The following ITGAV variants were observed in gnomAD, a reference collection of about 807,000 sequenced individuals.
ITGAV encodes the protein integrin alpha-V.
ITGAV carries 76 observed loss-of-function variants against 143.8 expected under a neutral mutation model. The ratio of observed to expected loss-of-function variants is 0.53; its 90% CI spans 0.44 to 0.64. The LOEUF (loss-of-function observed/expected upper bound fraction) is 0.64, where lower values mean the gene tolerates loss of function less well. Ranked by LOEUF, ITGAV falls within the 30% of genes least tolerant of loss-of-function variation. The pLI, the probability that ITGAV is intolerant of heterozygous loss-of-function variation, is 0.00. For synonymous variants in ITGAV, 453 were observed against 446.7 expected, an observed-to-expected ratio of 1.01 and a Z score of -0.18; for missense variants, 1,193 against 1,274.7, an observed-to-expected ratio of 0.94 and a Z score of 0.98.
intron 18 of ITGAV, among the ~76,000 whole-genome samples, chr2:186,661,867 T>A (rs536821117): frequency 1.3e-4 from 20 of 152,242 alleles, no homozygotes; most frequent in Admixed American, 7.2e-4. Flanking sequence ...AGTGCTGAGA[T>A]TACAGGCATG....
Position 186,649,886 on chromosome 2 carries a change from G to GTT in ITGAV, c.1397+2_1397+3insTT. Reference sequence around the variant, plus strand: ...GTGTAGATCGAGCTATCTTATACAGGTGAGCATTTTCTGTATCCTGCGGTA... The same window carrying GTT: ...GTGTAGATCGAGCTATCTTATACAGGTTTGAGCATTTTCTGTATCCTGCGGTA... On this transcript the variant is annotated splice_donor_variant, in intron 14 of 29. Coordinates refer to ENST00000261023, the MANE Select transcript of ITGAV (RefSeq NM_002210.5). LOFTEE classifies it high-confidence loss of function. The GTT allele has an allele frequency of 6.9e-7, 1 of 1,452,998 alleles. No homozygotes were observed. Among genetic ancestry groups the GTT allele is most frequent in the Non-Finnish European group, 9.1e-7 (1 of 1,097,328 alleles). 90.0% of individuals were successfully genotyped at this position (1,452,998 alleles called of 1,614,324 possible).
At chr2:186,610,182 G>A (rs992310748) in intron 2 of ITGAV, among the ~76,000 whole-genome samples, 2 of 152,012 alleles carry the variant, frequency 1.3e-5, no homozygotes, top group Admixed American at 6.6e-5. Context: ...TTATAGACAC[G>A]ACTTTAAAAA....
chr2:186,668,216 ATTTTTTTT>A (rs1186490756), intron 24 of ITGAV, among the ~76,000 whole-genome samples: 1 of 4,192 alleles, frequency 2.4e-4, no homozygotes, highest in African/African-American at 6.3e-4. Context: ...ATATATATAT[ATTTTTTTT>A]TTTTTTTTTT....
At position 186,656,249 on chromosome 2, in the gene ITGAV, TTCCAGG is replaced by T. The variant is rs1426532437; in HGVS notation, c.1569_1574del (p.Phe523_Val525delinsLeu). The T allele has an allele frequency of 2.5e-6, 4 of 1,582,054 alleles. No homozygotes were observed. Among genetic ancestry groups the T allele is most frequent in the Non-Finnish European group, 3.4e-6 (4 of 1,168,708 alleles). ...TATAAATCCTTTGGTTTACATAGAT[TTCCAGG>T]TGGAACTTCTTTTGGATAAACTCAA... On this transcript the variant is annotated inframe_deletion, in exon 17 of 30. Transcript: ENST00000261023.
At chr2:186,616,567 C>T (rs1242863469) in intron 2 of ITGAV, among the ~76,000 whole-genome samples, 5 of 152,046 alleles carry the variant, frequency 3.3e-5, no homozygotes, top group South Asian at 2.1e-4. Context: ...CGCGAGCCAC[C>T]GCGCCCGGCC....
chr2:186,669,933 T>C (rs934778914), intron 26 of ITGAV, 119 bp downstream of exon 26: 40 of 706,564 alleles, frequency 5.7e-5, no homozygotes, highest in African/African-American at 9.1e-5. Context: ...CATTTATTTT[T>C]ATACCATGCA....
rs893231112 is a variant in ITGAV at position 186,656,192 on chromosome 2, G to A, written c.1565-55G>A. 2.8e-5 allele frequency: 38 copies of A among 1,333,960 alleles called. No individual in the cohort carries two copies. The Admixed American group carries it at 7.8e-4, about 28-fold the overall frequency. 82.6% of individuals were successfully genotyped at this position (1,333,960 alleles called of 1,614,324 possible). On this transcript the variant is annotated intron_variant, in intron 16 of 29. Transcript: ENST00000261023. ...TGTTTACATGAAAACTCTAGAGTAG[G>A]ATAGATAGATGTCCATAAAGAATAT...
At position 186,628,414 on chromosome 2, in the gene ITGAV, C is replaced by T. The variant is rs557434693; in HGVS notation, c.524-2383C>T. The stretch of plus-strand genomic sequence containing the variant: ...GGACAAGGAACTTCACTGTCTGTCA[C>T]TAACTTACCTTATTACTGATTACAT... On this transcript the variant is annotated intron_variant, in intron 4 of 29. Coordinates refer to ENST00000261023, the MANE Select transcript of ITGAV (RefSeq NM_002210.5). Among the ~76,000 whole-genome samples, 15 of 152,220 alleles carry T rather than the reference C, an allele frequency of 9.9e-5. No homozygotes were observed. The South Asian group carries it at 3.1e-3, about 32-fold the overall frequency.
chr2:186,676,806 T>G lies in ITGAV; in HGVS notation c.2929-7T>G. On this transcript the variant is annotated splice_polypyrimidine_tract_variant and splice_region_variant and intron_variant, in intron 28 of 29. Transcript: ENST00000261023. The stretch of plus-strand genomic sequence containing the variant: ...TTTTTAAAACTAAAAGCTTTTTTCC[T>G]CGATAGGTTACCACTAATGTCACCT... 1 of 1,611,542 alleles carries G rather than the reference T, an allele frequency of 6.2e-7. No individual in the cohort carries two copies. Among genetic ancestry groups the G allele is most frequent in the African/African-American group, 1.3e-5 (1 of 74,922 alleles).
At chr2:186,672,335 C>T (rs915745218) in intron 26 of ITGAV, among the ~76,000 whole-genome samples, 1 of 152,062 alleles carries the variant, frequency 6.6e-6, no homozygotes, top group Non-Finnish European at 1.5e-5. Context: ...ATCAACATTT[C>T]GATTATTTCT....
chr2:186,674,869 A>G (rs528409160), intron 26 of ITGAV, among the ~76,000 whole-genome samples: 7 of 152,296 alleles, frequency 4.6e-5, no homozygotes, highest in African/African-American at 1.7e-4. Flanking sequence ...TTGAGTAGAA[A>G]TGGCTTGATT....
At chr2:186,675,470 G>A (rs1027397705) in intron 26 of ITGAV, 134 bp from the exon 27 acceptor site, 1 of 648,196 alleles carries the variant, frequency 1.5e-6, no homozygotes, top group African/African-American at 1.8e-5. Context: ...CTATTAGCCT[G>A]TTTATTTTCA....
chr2:186,668,578 A>C, intron 24 of ITGAV, 184 bp from the exon 25 acceptor site: 2 of 564,558 alleles, frequency 3.5e-6, no homozygotes, highest in Non-Finnish European at 3.2e-6. Flanking sequence ...ACTCTGTGTT[A>C]GAGACAAATG....
In ITGAV at chr2:186,646,909, A is replaced by T. The variant is rs769341926; in HGVS notation, c.1351+32A>T. ...TCTTATCAACACATAGAGCCCTTAG[A>T]TTTTTCAGTCCTAATAGCAAATAGT... On this transcript the variant is annotated intron_variant, in intron 13 of 29. Transcript: ENST00000261023. 4 of 1,432,174 alleles carry T rather than the reference A, an allele frequency of 2.8e-6. No individual in the cohort carries two copies. The South Asian group carries it at 4.2e-5, about 15-fold the overall frequency. 88.7% of individuals were successfully genotyped at this position (1,432,174 alleles called of 1,614,324 possible).
chr2:186,659,571 A>G (rs1688684720), intron 18 of ITGAV, among the ~76,000 whole-genome samples: 2 of 151,976 alleles, frequency 1.3e-5, no homozygotes, highest in Admixed American at 1.3e-4. Context: ...TTCTTTTCAG[A>G]AAACCAAAGA....
At chr2:186,675,554 A>C in intron 26 of ITGAV, 50 bp from the exon 27 acceptor site, 2 of 1,382,740 alleles carry the variant, frequency 1.4e-6, no homozygotes, top group Non-Finnish European at 2.1e-6. Context: ...CAAATGTTGA[A>C]GAGATGATAG....
chr2:186,617,446 C>T (rs1687396663), intron 2 of ITGAV, among the ~76,000 whole-genome samples: 1 of 152,208 alleles, frequency 6.6e-6, no homozygotes, highest in South Asian at 2.1e-4. Context: ...TCATTTGCTT[C>T]TGTCCTCAAG....
At chr2:186,601,969 T>TG (rs1553498454) in intron 1 of ITGAV, 52 bp from the exon 2 acceptor site, 2 of 1,556,520 alleles carry the variant, frequency 1.3e-6, no homozygotes, top group Non-Finnish European at 1.7e-6. Flanking sequence ...TCAGAAGATA[T>TG]TGCTTACACT....
chr2:186,667,533 C>G, intron 23 of ITGAV, 138 bp from the exon 24 acceptor site: 2 of 522,662 alleles, frequency 3.8e-6, no homozygotes, highest in Non-Finnish European at 6.8e-6. Flanking sequence ...TGTGTGTGTT[C>G]ATTAGTTTTC....
Sources: gnomAD v4.1 joint callset for allele counts (sites outside exome capture counted in the v4.1 genomes callset) on GRCh38, gnomAD v4.1.1 for gene constraint, MANE v1.5 for transcripts, NCBI Gene and HGNC (gene_info 2026-07-23, HGNC 2026-07-21) for gene names.